The following PTPRN2 variants were observed in gnomAD, a reference collection of about 807,000 sequenced individuals.
The protein encoded by PTPRN2 is receptor-type tyrosine-protein phosphatase N2.
Under a neutral mutation model 118.8 loss-of-function variants are expected in PTPRN2, and 74 were observed. The ratio of observed to expected loss-of-function variants is 0.62; its 90% confidence interval spans 0.52 to 0.76. The LOEUF is 0.76. Ranked by LOEUF, PTPRN2 falls within the 30% of genes least tolerant of loss-of-function variation. The probability of loss-of-function intolerance (pLI) is 0.00; values close to 1 mark genes in which losing one functional copy is unlikely to be tolerated. For synonymous variants in PTPRN2, 641 were observed against 608.0 expected, an observed-to-expected ratio of 1.05 and a Z score of -0.80; for missense variants, 1,481 against 1,394.4, an observed-to-expected ratio of 1.06 and a Z score of -0.99.
rs780612543 is a variant in PTPRN2 at position 157,780,332 on chromosome 7, A to G, written c.1789-97395T>C. Among the ~76,000 whole-genome samples, 2 of 152,168 alleles carry G rather than the reference A, an allele frequency of 1.3e-5. No homozygotes were observed. Among genetic ancestry groups the G allele is most frequent in the African/African-American group, 2.4e-5 (1 of 41,444 alleles). On this transcript the variant is annotated intron_variant, in intron 12 of 22. Transcript: ENST00000389418. This position sits in a 1 kb window ranked among gnomAD's most constrained non-coding sequence, Gnocchi z 4.5. ...GGGATAGTGCACACTCTGAAGGTGA[A>G]GCTTTAGGTGACGTCGAAGCATCCA...
At chr7:158,482,714 G>T (rs1439575707) in intron 2 of PTPRN2, among the ~76,000 whole-genome samples, 1 of 152,130 alleles carries the variant, frequency 6.6e-6, no homozygotes, top group Non-Finnish European at 1.5e-5. Flanking sequence ...TATCTCCGAG[G>T]TCTGCCTGTA....
At chr7:157,544,708 A>G (rs775180444) in intron 22 of PTPRN2, among the ~76,000 whole-genome samples, 1 of 152,212 alleles carries the variant, frequency 6.6e-6, no homozygotes, top group African/African-American at 2.4e-5. Flanking sequence ...AACTCTTGAG[A>G]CGTGTGGAGG....
At chr7:158,185,895 G>A (rs1825092035) in intron 5 of PTPRN2, among the ~76,000 whole-genome samples, 1 of 152,130 alleles carries the variant, frequency 6.6e-6, no homozygotes, top group Non-Finnish European at 1.5e-5. Flanking sequence ...CTGGCTTTCT[G>A]CACCCTTAGA....
intron 11 of PTPRN2, among the ~76,000 whole-genome samples, chr7:157,938,303 C>T (rs724537): frequency 0.17 from 25,573 of 152,204 alleles, 2,287 homozygotes; most frequent in Non-Finnish European, 0.19. Flanking sequence ...CGCACAGGAG[C>T]GTCAGCCATG....
At chr7:157,581,796 C>T (rs1420208629) in intron 17 of PTPRN2, among the ~76,000 whole-genome samples, 3 of 152,244 alleles carry the variant, frequency 2.0e-5, no homozygotes, top group Non-Finnish European at 4.4e-5. Context: ...TATTTGGAAA[C>T]AGGATCTTTG....
intron 12 of PTPRN2, among the ~76,000 whole-genome samples, chr7:157,738,472 G>T (rs1215691148): frequency 6.6e-6 from 1 of 152,230 alleles, no homozygotes; most frequent in Non-Finnish European, 1.5e-5. Context: ...TCTCTGATGG[G>T]AGCCTTATCC....
At chr7:157,730,497 G>T (rs1224519517) in intron 12 of PTPRN2, among the ~76,000 whole-genome samples, 1 of 152,210 alleles carries the variant, frequency 6.6e-6, no homozygotes, top group Non-Finnish European at 1.5e-5. Flanking sequence ...TGCCCCAGGG[G>T]TGACAGCGGT....
Position 158,355,557 on chromosome 7 carries a change from C to T in PTPRN2, c.164-38625G>A, listed in dbSNP as rs577938984. On this transcript the variant is annotated intron_variant, in intron 2 of 22. Transcript: ENST00000389418. ...GCAATGGGCTGGCCACCAGCAACAACGGCAGGAGAGGCAGGAGCAGTCAGG... is the reference window on the plus strand; with the variant it reads ...GCAATGGGCTGGCCACCAGCAACAATGGCAGGAGAGGCAGGAGCAGTCAGG... 9.1e-4 allele frequency among the ~76,000 whole-genome samples: 138 copies of T among 152,310 alleles called. 1 individual carries two copies. Among genetic ancestry groups the T allele is most frequent in the African/African-American group, 8.2e-4 (34 of 41,562 alleles).
In PTPRN2 at chr7:158,309,905, C is replaced by T. The variant is rs73528038; in HGVS notation, c.277+6914G>A. Among the ~76,000 whole-genome samples, 1,156 of 152,218 alleles carry T rather than the reference C, an allele frequency of 7.6e-3. 17 individuals are homozygous for T. The highest frequency in any genetic ancestry group is 0.026 in the African/African-American group (1,099 of 41,516). On this transcript the variant is annotated intron_variant, in intron 3 of 22. Coordinates refer to ENST00000389418, the MANE Select transcript of PTPRN2 (RefSeq NM_002847.5). ...TTTGGGGGTAATTAGGTCATGAAGACGGCGCCCATGCAGGTGGGATTAGTG... is the reference window on the plus strand; with the variant it reads ...TTTGGGGGTAATTAGGTCATGAAGATGGCGCCCATGCAGGTGGGATTAGTG...
chr7:158,248,070 C>T (rs1283787449), intron 3 of PTPRN2, among the ~76,000 whole-genome samples: 3 of 152,162 alleles, frequency 2.0e-5, no homozygotes, highest in Non-Finnish European at 4.4e-5. Flanking sequence ...GAATTAGAGA[C>T]TCCTTGAAAA....
chr7:157,822,667 A>G (rs1806924044), intron 12 of PTPRN2, among the ~76,000 whole-genome samples: 1 of 151,592 alleles, frequency 6.6e-6, no homozygotes, highest in Admixed American at 6.6e-5. Context: ...CTCACCATGC[A>G]TCCATCTACA....
chr7:158,192,218 G>C, intron 5 of PTPRN2, 109 bp downstream of exon 5: 1 of 1,259,926 alleles, frequency 7.9e-7, no homozygotes, highest in South Asian at 2.1e-5. Flanking sequence ...CGCTGGCCCG[G>C]GAAACAGGCG....
At chr7:158,017,424 C>T (rs184060124) in intron 11 of PTPRN2, among the ~76,000 whole-genome samples, 2 of 150,382 alleles carry the variant, frequency 1.3e-5, no homozygotes, top group African/African-American at 4.8e-5. Flanking sequence ...GGCTCCATCC[C>T]AGTGCTTGGG....
In PTPRN2 at chr7:157,784,006, T is replaced by C. The variant is rs1803853955; in HGVS notation, c.1789-101069A>G. Among the ~76,000 whole-genome samples, 1 of 152,114 alleles carries C rather than the reference T, an allele frequency of 6.6e-6. No homozygotes were observed. The highest frequency in any genetic ancestry group is 1.5e-5 in the Non-Finnish European group (1 of 68,002). ...CCCACAGGAGTAAATTCAGGATGAG[T>C]GGCTGAAACATTTCCCACATGGTTG... On this transcript the variant is annotated intron_variant, in intron 12 of 22. Transcript: ENST00000389418. The surrounding 1 kb of genome is among the most constrained non-coding windows in gnomAD (Gnocchi z 4.6).
chr7:157,804,674 C>A (rs906682379), intron 12 of PTPRN2, among the ~76,000 whole-genome samples: 1 of 152,168 alleles, frequency 6.6e-6, no homozygotes, highest in Non-Finnish European at 1.5e-5. Flanking sequence ...CACACAGTCT[C>A]CCCTCTGACC....
At chr7:158,564,095 G>A (rs1210138827) in intron 1 of PTPRN2, among the ~76,000 whole-genome samples, 1 of 152,194 alleles carries the variant, frequency 6.6e-6, no homozygotes, top group Admixed American at 6.5e-5. Flanking sequence ...GTTAACTGTT[G>A]CCATACGTCT....
At chr7:158,222,379 G>T (rs902608373) in intron 3 of PTPRN2, among the ~76,000 whole-genome samples, 11 of 152,102 alleles carry the variant, frequency 7.2e-5, no homozygotes, top group Non-Finnish European at 1.3e-4. Context: ...ATACACCATG[G>T]AATACTACAC....
intron 3 of PTPRN2, among the ~76,000 whole-genome samples, chr7:158,316,254 T>C (rs968052893): frequency 4.6e-5 from 7 of 152,170 alleles, no homozygotes; most frequent in African/African-American, 1.7e-4. Context: ...TCAGAACGCC[T>C]TATCCATCAC....
chr7:158,250,365 A>G lies in PTPRN2; in HGVS notation c.278-45092T>C, dbSNP rs565427138. ...ATAGGTTATTTATTGTTATACATTT[A>G]TAGCATAATGCATGCCTATTTAAGA... On this transcript the variant is annotated intron_variant, in intron 3 of 22. Coordinates refer to ENST00000389418, the MANE Select transcript of PTPRN2 (RefSeq NM_002847.5). 1.3e-3 allele frequency among the ~76,000 whole-genome samples: 196 copies of G among 152,302 alleles called. 1 individual carries two copies. The highest frequency in any genetic ancestry group is 3.9e-3 in the Admixed American group (59 of 15,292).
Sources: allele counts gnomAD v4.1 joint callset (sites outside exome capture counted in the v4.1 genomes callset), GRCh38; gene constraint gnomAD v4.1.1; non-coding constraint Gnocchi (gnomAD v3.1); transcripts MANE v1.5; gene names NCBI Gene and HGNC (gene_info 2026-07-23, HGNC 2026-07-21).